The following UBE2E2 variants were observed in gnomAD, a reference collection of about 807,000 sequenced individuals.
The protein encoded by UBE2E2 is ubiquitin-conjugating enzyme E2 E2.
UBE2E2 carries 6 observed loss-of-function variants against 24.7 expected under a neutral mutation model. The observed-to-expected ratio is 0.24, with a 90% confidence interval of 0.13 to 0.48. The LOEUF is 0.48. Among genes scored for constraint, UBE2E2 ranks in the 20% least tolerant of loss-of-function variants. The pLI is 0.99. For missense variants in UBE2E2, 169 were observed against 245.0 expected (o/e 0.69, Z 2.07); for synonymous variants, 104 against 83.6 (o/e 1.24, Z -1.33).
intron 3 of UBE2E2, among the ~76,000 whole-genome samples, chr3:23,369,983 A>G (rs541907172): frequency 6.6e-6 from 1 of 152,298 alleles, no homozygotes; most frequent in South Asian, 2.1e-4. Context: ...TTTAGATACT[A>G]ATATCCCCAT....
At chr3:23,232,741 G>C (rs967708026) in intron 3 of UBE2E2, among the ~76,000 whole-genome samples, 4 of 152,114 alleles carry the variant, frequency 2.6e-5, no homozygotes, top group African/African-American at 9.7e-5. Flanking sequence ...TTTGCTCTTT[G>C]CGCATACATT....
intron 3 of UBE2E2, among the ~76,000 whole-genome samples, chr3:23,345,309 T>G (rs1166715949): frequency 6.6e-6 from 1 of 152,238 alleles, no homozygotes; most frequent in Non-Finnish European, 1.5e-5. Context: ...ACACCTGGTA[T>G]TAAACTCTTA....
chr3:23,256,727 A>G (rs1440619500), intron 3 of UBE2E2, among the ~76,000 whole-genome samples: 3 of 152,178 alleles, frequency 2.0e-5, no homozygotes, highest in African/African-American at 7.2e-5. Flanking sequence ...AGTGCGTTAC[A>G]TATTTGATTT....
intron 1 of UBE2E2, among the ~76,000 whole-genome samples, chr3:23,207,397 G>A (rs1165147570): frequency 6.6e-6 from 1 of 151,332 alleles, no homozygotes; most frequent in Non-Finnish European, 1.5e-5. Context: ...GAATTTGAAA[G>A]CCTTGAGGGA....
intron 3 of UBE2E2, among the ~76,000 whole-genome samples, chr3:23,335,202 A>G (rs1257597876): frequency 1.3e-5 from 2 of 152,312 alleles, no homozygotes; most frequent in South Asian, 4.1e-4. Context: ...AGAAAGGAAT[A>G]TTACCATCAT....
At chr3:23,540,016 C>G (rs947328546) in intron 5 of UBE2E2, among the ~76,000 whole-genome samples, 3 of 152,018 alleles carry the variant, frequency 2.0e-5, no homozygotes, top group Non-Finnish European at 4.4e-5. Flanking sequence ...AGCTTCAGAA[C>G]TCACCTATAT....
At chr3:23,309,280 A>G (rs1164758027) in intron 3 of UBE2E2, among the ~76,000 whole-genome samples, 1 of 152,212 alleles carries the variant, frequency 6.6e-6, no homozygotes, top group Non-Finnish European at 1.5e-5. Context: ...TTCAGCAGCC[A>G]TCTAAACATC....
At chr3:23,562,007 C>T (rs1451585625) in intron 5 of UBE2E2, among the ~76,000 whole-genome samples, 1 of 152,106 alleles carries the variant, frequency 6.6e-6, no homozygotes, top group East Asian at 1.9e-4. Flanking sequence ...AATCATGTGA[C>T]CTGCAAACAG....
At chr3:23,275,887 A>G (rs949858721) in intron 3 of UBE2E2, among the ~76,000 whole-genome samples, 1 of 152,152 alleles carries the variant, frequency 6.6e-6, no homozygotes, top group African/African-American at 2.4e-5. Context: ...CGATTCATTA[A>G]AAATTTGAAT....
intron 3 of UBE2E2, among the ~76,000 whole-genome samples, chr3:23,358,010 A>AT (rs1303346102): frequency 6.6e-6 from 1 of 151,832 alleles, no homozygotes; most frequent in Non-Finnish European, 1.5e-5. Context: ...TAATTTTTTT[A>AT]TTTTTTATAG....
Position 23,542,930 on chromosome 3 carries a change from T to G in UBE2E2, c.508+10229T>G, listed in dbSNP as rs144497365. Among the ~76,000 whole-genome samples, 374 of 152,334 alleles carry G rather than the reference T, an allele frequency of 2.5e-3. 3 individuals are homozygous for G. The highest frequency in any genetic ancestry group is 8.6e-3 in the African/African-American group (358 of 41,568). ...GCATATTTTATTGTCTCTTAATTAA[T>G]ATAAATGTCGACATGGATTAGCTGT... On this transcript the variant is annotated intron_variant, in intron 5 of 5. Coordinates refer to ENST00000396703, the MANE Select transcript of UBE2E2 (RefSeq NM_152653.4).
chr3:23,363,550 G>A (rs1011477151), intron 3 of UBE2E2, among the ~76,000 whole-genome samples: 18 of 152,250 alleles, frequency 1.2e-4, no homozygotes, highest in African/African-American at 3.6e-4. Flanking sequence ...AAAACACAAA[G>A]AAAGGCATTA....
intron 3 of UBE2E2, among the ~76,000 whole-genome samples, chr3:23,409,509 A>G (rs1471875969): frequency 6.6e-6 from 1 of 152,160 alleles, no homozygotes; most frequent in African/African-American, 2.4e-5. Flanking sequence ...AGTGAAATGT[A>G]TACCCCATAT....
intron 3 of UBE2E2, among the ~76,000 whole-genome samples, chr3:23,270,189 G>A (rs532635926): frequency 1.2e-3 from 156 of 129,966 alleles, no homozygotes; most frequent in African/African-American, 3.5e-3. Context: ...TCCAGTGGAT[G>A]AATTTGCTCC....
intron 3 of UBE2E2, among the ~76,000 whole-genome samples, chr3:23,279,880 C>A (rs1698450453): frequency 6.6e-6 from 1 of 152,220 alleles, no homozygotes; most frequent in Non-Finnish European, 1.5e-5. Flanking sequence ...ACTCTTTTCC[C>A]TGCTCTGGCC....
intron 3 of UBE2E2, among the ~76,000 whole-genome samples, chr3:23,471,909 A>C (rs1699038438): frequency 1.3e-5 from 2 of 151,790 alleles, no homozygotes; most frequent in African/African-American, 4.8e-5. Flanking sequence ...ACTAGGCTGG[A>C]CTGTCCCTTT....
At chr3:23,503,061 T>A (rs1694311560) in intron 4 of UBE2E2, among the ~76,000 whole-genome samples, 1 of 152,154 alleles carries the variant, frequency 6.6e-6, no homozygotes, top group Non-Finnish European at 1.5e-5. Context: ...TGTAAAAGCT[T>A]TTTACACCTA....
intron 3 of UBE2E2, among the ~76,000 whole-genome samples, chr3:23,218,353 T>C (rs1451027697): frequency 6.6e-6 from 1 of 152,142 alleles, no homozygotes; most frequent in Non-Finnish European, 1.5e-5. Flanking sequence ...AATATTTCTT[T>C]GTTAGGTAAA....
At chr3:23,383,433 A>G (rs1367988718) in intron 3 of UBE2E2, among the ~76,000 whole-genome samples, 1 of 151,922 alleles carries the variant, frequency 6.6e-6, no homozygotes, top group African/African-American at 2.4e-5. Flanking sequence ...AGAATGAAAT[A>G]GAAGCCGATT....
Sources: allele counts gnomAD v4.1 joint callset (sites outside exome capture counted in the v4.1 genomes callset), GRCh38; gene constraint gnomAD v4.1.1; transcripts MANE v1.5; gene names NCBI Gene and HGNC (gene_info 2026-07-23, HGNC 2026-07-21).